The following ELF1 variants were observed in gnomAD, a reference collection of about 807,000 sequenced individuals.
ELF1 encodes the protein ETS-related transcription factor Elf-1.
ELF1 carries 24 observed loss-of-function variants against 59.9 expected under a neutral mutation model. The observed-to-expected ratio is 0.40, with a 90% CI of 0.29 to 0.56. The LOEUF (loss-of-function observed/expected upper bound fraction) is 0.56. ELF1 is among the 20% of genes least tolerant of loss of function. The pLI is 0.44. For missense variants in ELF1, 627 were observed against 742.2 expected (o/e 0.84, Z 1.80); for synonymous variants, 248 against 266.2 (o/e 0.93, Z 0.67).
chr13:41,060,855 C>T (rs569933887), exon 1 of ELF1: 1 of 318,386 alleles, frequency 3.1e-6, no homozygotes, highest in African/African-American at 2.3e-5. Flanking sequence ...GCATAAGTGC[C>T]TCTGCCTCCT....
At chr13:41,002,670 A>G (rs982523455) in intron 1 of ELF1, among the ~76,000 whole-genome samples, 1 of 151,806 alleles carries the variant, frequency 6.6e-6, no homozygotes, top group Non-Finnish European at 1.5e-5. Context: ...TTGGACAAGC[A>G]CTCTTTAGGG....
At position 40,992,901 on chromosome 13, in the gene ELF1, CA is replaced by C. The variant is rs1239788908; in HGVS notation, c.-228-10620del. 3 of 643,446 alleles carry C rather than the reference CA, an allele frequency of 4.7e-6. No homozygotes were observed. The Admixed American group carries it at 8.3e-5, about 18-fold the overall frequency. The allele number at this position is 643,446 out of a possible 1,614,324, so 39.9% of individuals were successfully genotyped here. A position where few individuals can be genotyped will look rare whatever the true frequency, so the allele number is the denominator to read the frequency against. ...AGACTGACCTCTTTTGGTGATAGTA[CA>C]GAAATGTAATCTTCATATATCATTC... On this transcript the variant is annotated intron_variant, in intron 1 of 8. Transcript: ENST00000239882.
At chr13:41,044,331 A>AT (rs1370155019) in intron 1 of ELF1, among the ~76,000 whole-genome samples, 1 of 152,122 alleles carries the variant, frequency 6.6e-6, no homozygotes, top group Admixed American at 6.5e-5. Flanking sequence ...TTCCAACACT[A>AT]TGTGGAATAG....
intron 2 of ELF1, among the ~76,000 whole-genome samples, chr13:40,977,222 T>G (rs531119986): frequency 1.4e-4 from 21 of 152,152 alleles, no homozygotes; most frequent in African/African-American, 4.8e-4. Flanking sequence ...TCTGCTTGCT[T>G]CTTCTTCTCA....
At chr13:41,024,658 T>C (rs1875822921) in intron 1 of ELF1, among the ~76,000 whole-genome samples, 1 of 152,166 alleles carries the variant, frequency 6.6e-6, no homozygotes, top group African/African-American at 2.4e-5. Context: ...ATTACAGGCA[T>C]GAACAACCAC....
chr13:41,040,131 T>C (rs1241037079), intron 1 of ELF1, among the ~76,000 whole-genome samples: 2 of 152,236 alleles, frequency 1.3e-5, no homozygotes, highest in Non-Finnish European at 2.9e-5. Context: ...TCTATCTTTT[T>C]ATCTAGCAGT....
intron 2 of ELF1, among the ~76,000 whole-genome samples, chr13:40,971,116 A>G (rs1366710439): frequency 6.6e-6 from 1 of 151,460 alleles, no homozygotes; most frequent in African/African-American, 2.4e-5. Context: ...TCCTATAGAT[A>G]AACTACTTAG....
intron 1 of ELF1, among the ~76,000 whole-genome samples, chr13:41,000,842 G>A (rs368620507): frequency 6.6e-6 from 1 of 150,630 alleles, no homozygotes; most frequent in African/African-American, 2.5e-5. Context: ...AATCTGACAC[G>A]TCCTCAAGGA....
intron 5 of ELF1, among the ~76,000 whole-genome samples, chr13:40,946,675 C>A (rs1027701553): frequency 6.6e-6 from 1 of 152,156 alleles, no homozygotes; most frequent in Non-Finnish European, 1.5e-5. Context: ...CCTCCTCCCT[C>A]CTCAGCCTAG....
intron 1 of ELF1, among the ~76,000 whole-genome samples, chr13:40,994,935 C>G (rs923766215): frequency 1.3e-5 from 2 of 152,138 alleles, no homozygotes; most frequent in African/African-American, 4.8e-5. Context: ...GTAACTGTTT[C>G]ATGCTGGCAC....
chr13:40,944,016 A>G, intron 5 of ELF1, 91 bp from the exon 6 acceptor site: 1 of 1,248,242 alleles, frequency 8.0e-7, no homozygotes. Context: ...CCTAAATTTC[A>G]AGTGCCAAAT....
At chr13:40,952,708 T>A (rs535422689) in intron 3 of ELF1, among the ~76,000 whole-genome samples, 8 of 152,180 alleles carry the variant, frequency 5.3e-5, no homozygotes, top group Non-Finnish European at 1.0e-4. Context: ...ATATTTTTAT[T>A]ATGAAAATTT....
intron 1 of ELF1, among the ~76,000 whole-genome samples, chr13:40,988,576 C>T (rs1873675904): frequency 6.6e-6 from 1 of 152,130 alleles, no homozygotes; most frequent in Admixed American, 6.5e-5. Context: ...TTAACTGAAA[C>T]AACTGGTGCA....
At position 40,968,163 on chromosome 13, in the gene ELF1, A is replaced by G. The variant is rs920011576; in HGVS notation, c.73-9147T>C. On this transcript the variant is annotated intron_variant, in intron 2 of 8. Coordinates refer to ENST00000239882, the MANE Select transcript of ELF1 (RefSeq NM_172373.4). ...ATTTTTATATTAATGCTACACTTCAATAAGAAGTTTAAAAAGCAGAGGTCC... is the reference window on the plus strand; with the variant it reads ...ATTTTTATATTAATGCTACACTTCAGTAAGAAGTTTAAAAAGCAGAGGTCC... Among the ~76,000 whole-genome samples, 4 of 152,338 alleles carry G rather than the reference A, an allele frequency of 2.6e-5. No individual in the cohort carries two copies. In the East Asian group the frequency reaches 5.8e-4, roughly 22 times the overall value.
At chr13:40,980,106 AC>A (rs1250477088) in intron 2 of ELF1, among the ~76,000 whole-genome samples, 1 of 152,158 alleles carries the variant, frequency 6.6e-6, no homozygotes, top group African/African-American at 2.4e-5. Context: ...AGAGTTGTAA[AC>A]ATTTTGATGC....
exon 1 of ELF1, chr13:41,060,998 T>C: frequency 4.0e-6 from 1 of 248,052 alleles, no homozygotes; most frequent in Non-Finnish European, 8.2e-6. Context: ...TCCGAGCGCG[T>C]GGGCGTCGTA....
intron 1 of ELF1, among the ~76,000 whole-genome samples, chr13:41,031,818 CAAAAAA>C (rs3072004): frequency 2.4e-5 from 2 of 82,198 alleles, no homozygotes; most frequent in Admixed American, 1.3e-4. Context: ...GACTCCGTGT[CAAAAAA>C]AAAAAAAAAA....
At chr13:40,962,508 C>G (rs890677946) in intron 2 of ELF1, among the ~76,000 whole-genome samples, 1 of 151,548 alleles carries the variant, frequency 6.6e-6, no homozygotes, top group African/African-American at 2.4e-5. Context: ...CACGGTGAAA[C>G]CTTGTCTTTA....
At chr13:41,045,241 A>C (rs1299261350) in intron 1 of ELF1, among the ~76,000 whole-genome samples, 1 of 151,506 alleles carries the variant, frequency 6.6e-6, no homozygotes, top group Non-Finnish European at 1.5e-5. Context: ...AAAAAAAAAA[A>C]ACAGCTCATG....
Sources: allele counts gnomAD v4.1 joint callset (sites outside exome capture counted in the v4.1 genomes callset), GRCh38; gene constraint gnomAD v4.1.1; transcripts MANE v1.5; gene names NCBI Gene and HGNC (gene_info 2026-07-23, HGNC 2026-07-21).